RNF20: variants seen among roughly 807,000 people sequenced by gnomAD.
RNF20 encodes ring finger protein 20.
A neutral mutation model predicts 126.2 loss-of-function variants in RNF20; 84 were observed. That is an observed-to-expected ratio of 0.67 (90% confidence interval 0.56 to 0.80). RNF20 has a LOEUF of 0.80. Ranked by LOEUF, RNF20 falls within the 30% of genes least tolerant of loss-of-function variation. The pLI, the probability that RNF20 is intolerant of heterozygous loss-of-function variation, is 0.00. For synonymous variants in RNF20, 400 were observed against 414.3 expected, an observed-to-expected ratio of 0.97 and a Z score of 0.42; for missense variants, 869 against 1,188.2, an observed-to-expected ratio of 0.73 and a Z score of 3.95.
At chr9:101,554,904 T>C in intron 15 of RNF20, 61 bp downstream of exon 15, 1 of 1,298,784 alleles carries the variant, frequency 7.7e-7, no homozygotes, top group Non-Finnish European at 1.0e-6. Context: ...CAATAAGTTA[T>C]TGCCAGTGAA....
intron 15 of RNF20, among the ~76,000 whole-genome samples, chr9:101,556,059 A>G (rs758978557): frequency 6.6e-6 from 1 of 151,702 alleles, no homozygotes; most frequent in Non-Finnish European, 1.5e-5. Flanking sequence ...AAATTATACT[A>G]TTATAGGTTC....
At chr9:101,550,055 A>G (rs1349893930) in intron 9 of RNF20, among the ~76,000 whole-genome samples, 2 of 152,050 alleles carry the variant, frequency 1.3e-5, no homozygotes, top group East Asian at 3.9e-4. Context: ...AGTCTTTCTC[A>G]CTCCTCTTTC....
chr9:101,545,357 C>T (rs1222279464), intron 6 of RNF20, among the ~76,000 whole-genome samples: 1 of 152,170 alleles, frequency 6.6e-6, no homozygotes. Flanking sequence ...TTAGTTTGGC[C>T]ACTGAATTCT....
chr9:101,556,429 T>G (rs1415257265), intron 15 of RNF20, among the ~76,000 whole-genome samples: 1 of 152,082 alleles, frequency 6.6e-6, no homozygotes, highest in Non-Finnish European at 1.5e-5. Flanking sequence ...ATACATAGTT[T>G]TAAATCAGTG....
chr9:101,559,453 T>C (rs1245827478), intron 16 of RNF20, among the ~76,000 whole-genome samples: 3 of 152,162 alleles, frequency 2.0e-5, no homozygotes, highest in Non-Finnish European at 4.4e-5. Flanking sequence ...GGTATTTTGA[T>C]GGGAATTGCA....
chr9:101,557,349 T>G (rs760231392), intron 15 of RNF20, 35 bp from the exon 16 acceptor site: 5 of 1,513,628 alleles, frequency 3.3e-6, no homozygotes, highest in Non-Finnish European at 4.6e-6. Context: ...GTTGGAAGAT[T>G]CTTCTAAAAT....
intron 17 of RNF20, 57 bp from the exon 18 acceptor site, chr9:101,561,033 C>T (rs1335948058): frequency 6.2e-7 from 1 of 1,602,382 alleles, no homozygotes; most frequent in Admixed American, 1.7e-5. Flanking sequence ...TAACATTTTG[C>T]CTCACTGGCA....
chr9:101,535,624 A>C, intron 2 of RNF20, 72 bp downstream of exon 2: 6 of 1,537,728 alleles, frequency 3.9e-6, no homozygotes, highest in Non-Finnish European at 5.3e-6. Flanking sequence ...AAATTCATGG[A>C]AGCTTTCTGG....
chr9:101,554,659 CTT>C (rs1463255734), intron 14 of RNF20, 33 bp from the exon 15 acceptor site: 3 of 1,591,724 alleles, frequency 1.9e-6, no homozygotes, highest in Admixed American at 3.4e-5. Context: ...TGTGTTATAA[CTT>C]TTTATTTTTG....
At chr9:101,539,975 GA>G (rs1827234153) in intron 2 of RNF20, among the ~76,000 whole-genome samples, 2 of 152,234 alleles carry the variant, frequency 1.3e-5, no homozygotes, top group South Asian at 4.1e-4. Context: ...AGAACAGCGA[GA>G]TGGGTTGAGG....
chr9:101,544,917 C>A, intron 6 of RNF20, 32 bp downstream of exon 6: 1 of 1,330,464 alleles, frequency 7.5e-7, no homozygotes, highest in Non-Finnish European at 1.1e-6. Flanking sequence ...ATGGCTGTGT[C>A]TAGTGGGCTG....
chr9:101,547,057 A>T, intron 7 of RNF20, 80 bp from the exon 8 acceptor site: 1 of 1,603,284 alleles, frequency 6.2e-7, no homozygotes, highest in Non-Finnish European at 8.5e-7. Context: ...TGAGGAAAAA[A>T]TCTCATCCTT....
Position 101,560,655 on chromosome 9 carries a change from T to C in RNF20, c.2383-146T>C, listed in dbSNP as rs571389096. 3.7e-4 allele frequency: 211 copies of C among 567,388 alleles called. 4 individuals carry two copies. In the South Asian group the frequency reaches 5.8e-3, roughly 16 times the overall value. 35.1% of individuals were successfully genotyped at this position (567,388 alleles called of 1,614,324 possible). A position where few individuals can be genotyped will look rare whatever the true frequency, so the allele number is the denominator to read the frequency against. On this transcript the variant is annotated intron_variant, in intron 16 of 19. Coordinates refer to ENST00000389120, the MANE Select transcript of RNF20 (RefSeq NM_019592.7). ...AAGCTTTCAGTTATCATAGTCTTGATGTATTTTGAAGGGTTCATGGGCAAA... is the reference window on the plus strand; with the variant it reads ...AAGCTTTCAGTTATCATAGTCTTGACGTATTTTGAAGGGTTCATGGGCAAA...
chr9:101,548,410 A>C (rs1172005290), intron 9 of RNF20, among the ~76,000 whole-genome samples: 3 of 152,182 alleles, frequency 2.0e-5, no homozygotes, highest in African/African-American at 4.8e-5. Context: ...TAGCATGGTG[A>C]CTATAATTAA....
At chr9:101,541,031 T>G in intron 5 of RNF20, 56 bp downstream of exon 5, 1 of 1,395,534 alleles carries the variant, frequency 7.2e-7, no homozygotes, top group South Asian at 1.4e-5. Flanking sequence ...AATTCATTTT[T>G]GCATGCTAAT....
chr9:101,541,804 T>C (rs893478846), intron 5 of RNF20, among the ~76,000 whole-genome samples: 2 of 152,208 alleles, frequency 1.3e-5, no homozygotes, highest in African/African-American at 2.4e-5. Flanking sequence ...AAAGGATTAT[T>C]AGAAAATATT....
At position 101,552,222 on chromosome 9, in the gene RNF20, A is replaced by G. The variant is rs1827458474; in HGVS notation, c.1490A>G (p.Tyr497Cys). Reference protein sequence around the residue: ...NHQLKGEVLRYKRKLREAQSD... With the variant: ...NHQLKGEVLRCKRKLREAQSD... ...CAGCTGAAAGGGGAGGTCCTGAGAT[A>G]TAAGCGGAAATTGAGAGAAGCCCAG... Residue 497 changes from tyrosine (Y) to cysteine (C), a missense_variant, in exon 12 of 20, where the codon TAT becomes TGT. This residue lies in a region of RNF20 where 231 missense variants were observed against 263.6 expected (regional missense o/e 0.88). Coordinates refer to ENST00000389120, the MANE Select transcript of RNF20 (RefSeq NM_019592.7). The G allele has an allele frequency of 2.5e-6, 4 of 1,614,200 alleles. No individual in the cohort carries two copies. Among genetic ancestry groups the G allele is most frequent in the Non-Finnish European group, 3.4e-6 (4 of 1,180,024 alleles).
intron 9 of RNF20, among the ~76,000 whole-genome samples, chr9:101,549,720 G>GCCC (rs1399266795): frequency 6.6e-6 from 1 of 152,182 alleles, no homozygotes; most frequent in Non-Finnish European, 1.5e-5. Context: ...CCCTCTGGTG[G>GCCC]CCCTGTCTGG....
In RNF20 at chr9:101,557,567, G is replaced by T; in HGVS notation, c.2353G>T (p.Ala785Ser). The change falls in exon 16 of 20, where the codon GCA becomes TCA. Residue 785 changes from alanine (A) to serine (S), a missense_variant. This residue lies in a region of RNF20 where 150 missense variants were observed against 173.7 expected (regional missense o/e 0.86). Transcript: ENST00000389120. ...KLLKEEKEELADQVLTLKTQV... is the reference protein window; with the variant it reads ...KLLKEEKEELSDQVLTLKTQV... ...GCTTAAAGAAGAGAAGGAGGAGCTG[G>T]CAGACCAGGTGTTGACTCTGAAGAC... 1 of 1,613,864 alleles carries T rather than the reference G, an allele frequency of 6.2e-7. No homozygotes were observed. The highest frequency in any genetic ancestry group is 8.5e-7 in the Non-Finnish European group (1 of 1,179,786).
Sources: gnomAD v4.1 joint callset for allele counts (sites outside exome capture counted in the v4.1 genomes callset) on GRCh38, gnomAD v4.1.1 for gene constraint, gnomAD v4.1.1 regional missense constraint, MANE v1.5 for transcripts, NCBI Gene and HGNC (gene_info 2026-07-23, HGNC 2026-07-21) for gene names.